Variants in KCNMA1 observed in about 807,000 individuals in gnomAD.
KCNMA1 encodes the protein potassium calcium-activated channel subfamily M alpha 1, also known as Calcium-activated potassium channel subunit alpha-1.
Under a neutral mutation model 140.0 loss-of-function variants are expected in KCNMA1, and 29 were observed. The ratio of observed to expected loss-of-function variants is 0.21; its 90% CI spans 0.15 to 0.28. KCNMA1 has a LOEUF of 0.28. Ranked by LOEUF, KCNMA1 falls within the 10% of genes least tolerant of loss-of-function variation. The pLI, the probability that KCNMA1 is intolerant of heterozygous loss-of-function variation, is 1.00. For synonymous variants in KCNMA1, 612 were observed against 611.9 expected, an observed-to-expected ratio of 1.00 and a Z score of 0.00; for missense variants, 880 against 1,602.2, an observed-to-expected ratio of 0.55 and a Z score of 7.70.
intron 20 of KCNMA1, among the ~76,000 whole-genome samples, chr10:76,963,396 C>T (rs1473392574): frequency 6.6e-6 from 1 of 152,144 alleles, no homozygotes; most frequent in African/African-American, 2.4e-5. Context: ...CAGGTGATTC[C>T]GACACCTGCT....
At chr10:77,192,333 C>T (rs1247004919) in intron 3 of KCNMA1, among the ~76,000 whole-genome samples, 1 of 152,146 alleles carries the variant, frequency 6.6e-6, no homozygotes, top group African/African-American at 2.4e-5. Flanking sequence ...TTTTATCTAA[C>T]AAGACTTCAA....
intron 1 of KCNMA1, among the ~76,000 whole-genome samples, chr10:77,416,318 G>C (rs117519049): frequency 4.6e-3 from 696 of 152,232 alleles, no homozygotes; most frequent in Non-Finnish European, 7.3e-3. Flanking sequence ...ACACAATAGG[G>C]GAAAGGGGAA....
At chr10:77,393,623 G>C (rs915220674) in intron 2 of KCNMA1, among the ~76,000 whole-genome samples, 1 of 152,214 alleles carries the variant, frequency 6.6e-6, no homozygotes, top group African/African-American at 2.4e-5. Flanking sequence ...CAACTGCCCA[G>C]CCGCACCACA....
rs2093912194 is a variant in KCNMA1 at position 77,637,705 on chromosome 10, C to G, written c.-63G>C. 1 of 1,430,578 alleles carries G rather than the reference C, an allele frequency of 7.0e-7. No individual in the cohort carries two copies. The allele number at this position is 1,430,578 out of a possible 1,614,324, so 88.6% of individuals were successfully genotyped here. ...GCTCCTCCCGCCGCCAGCGCCACCCCAAACACCCATCAACAGCCATATTGC... is the reference window on the plus strand; with the variant it reads ...GCTCCTCCCGCCGCCAGCGCCACCCGAAACACCCATCAACAGCCATATTGC... On this transcript the variant is annotated 5_prime_UTR_variant, in exon 1 of 28. Coordinates refer to ENST00000286628, the MANE Select transcript of KCNMA1 (RefSeq NM_001161352.2).
At chr10:77,502,593 C>T (rs1242802313) in intron 1 of KCNMA1, among the ~76,000 whole-genome samples, 2 of 152,184 alleles carry the variant, frequency 1.3e-5, no homozygotes, top group Admixed American at 1.3e-4. Flanking sequence ...AGAACCCCCA[C>T]ATCTCTGGCA....
chr10:77,041,198 T>C lies in KCNMA1; in HGVS notation c.1750-1561A>G, dbSNP rs1166707526. Among the ~76,000 whole-genome samples, 58 of 6,772 alleles carry C rather than the reference T, an allele frequency of 8.6e-3. 1 individual carries two copies. Among genetic ancestry groups the C allele is most frequent in the African/African-American group, 9.8e-3 (4 of 410 alleles). The allele number at this position is 6,772 out of a possible 152,430, so 4.4% of individuals were successfully genotyped here. On this transcript the variant is annotated intron_variant, in intron 14 of 27. Transcript: ENST00000286628. ...TTTTTTTTTTGAGACGGAGTCTCGC[T>C]CTGTCGCCCAGGCTGGAGTGCAGTG...
At chr10:77,233,960 G>C (rs1291566542) in intron 3 of KCNMA1, among the ~76,000 whole-genome samples, 1 of 152,124 alleles carries the variant, frequency 6.6e-6, no homozygotes, top group South Asian at 2.1e-4. Context: ...CAATAAATTA[G>C]AACAGTATTA....
chr10:77,411,778 T>C (rs1022360822), intron 1 of KCNMA1, among the ~76,000 whole-genome samples: 2 of 152,182 alleles, frequency 1.3e-5, no homozygotes, highest in African/African-American at 4.8e-5. Flanking sequence ...AGAAACACAG[T>C]TCCTTTCTCT....
intron 2 of KCNMA1, among the ~76,000 whole-genome samples, chr10:77,261,173 C>T (rs920869140): frequency 1.3e-5 from 2 of 152,082 alleles, no homozygotes; most frequent in African/African-American, 4.8e-5. Flanking sequence ...TAAATACATA[C>T]GAAACCCTGG....
At chr10:77,140,116 C>G (rs887326447) in intron 5 of KCNMA1, among the ~76,000 whole-genome samples, 4 of 152,186 alleles carry the variant, frequency 2.6e-5, no homozygotes, top group African/African-American at 9.7e-5. Flanking sequence ...TCTGCCTCAC[C>G]CAGCACATCT....
intron 5 of KCNMA1, chr10:77,147,761 C>G (rs1329337848): frequency 2.0e-5 from 3 of 152,320 alleles, no homozygotes; most frequent in African/African-American, 4.8e-5. Flanking sequence ...TTCCTCCTGC[C>G]TGATGTCTGG....
chr10:77,378,092 G>A (rs1299958542), intron 2 of KCNMA1, among the ~76,000 whole-genome samples: 1 of 152,204 alleles, frequency 6.6e-6, no homozygotes, highest in Non-Finnish European at 1.5e-5. Context: ...TACACTGAGA[G>A]AGTAAGCCAT....
intron 19 of KCNMA1, among the ~76,000 whole-genome samples, chr10:76,996,843 G>A (rs2084535204): frequency 6.6e-6 from 1 of 152,138 alleles, no homozygotes; most frequent in Non-Finnish European, 1.5e-5. Context: ...ATAGAATTTA[G>A]GTTTGGGGAA....
In KCNMA1 at chr10:76,952,222, T is replaced by C. The variant is rs2066534528; in HGVS notation, c.2484+1579A>G. 3 of 1,529,062 alleles carry C rather than the reference T, an allele frequency of 2.0e-6. No homozygotes were observed. In the South Asian group the frequency reaches 3.7e-5, roughly 19 times the overall value. 94.7% of individuals were successfully genotyped at this position (1,529,062 alleles called of 1,614,324 possible). A position where few individuals can be genotyped will look rare whatever the true frequency, so the allele number is the denominator to read the frequency against. On this transcript the variant is annotated intron_variant, in intron 21 of 27. Transcript: ENST00000286628. ...CCAGGGCAAAAGTGCCATGAATACA[T>C]CAGAATGTACATATATGGCTGGGTG...
At chr10:77,090,198 A>G (rs1326596062) in intron 10 of KCNMA1, among the ~76,000 whole-genome samples, 1 of 152,116 alleles carries the variant, frequency 6.6e-6, no homozygotes, top group African/African-American at 2.4e-5. Context: ...CTCTGCTCTC[A>G]TCATTGAACC....
chr10:76,999,960 C>T (rs985169499), intron 19 of KCNMA1, among the ~76,000 whole-genome samples: 8 of 152,276 alleles, frequency 5.3e-5, no homozygotes, highest in East Asian at 3.9e-4. Flanking sequence ...AGTGAAGTCC[C>T]GGTTCCCTGA....
intron 12 of KCNMA1, among the ~76,000 whole-genome samples, chr10:77,082,002 C>CTGTTTTTTTTTTTTTTTTTTT: frequency 1.9e-5 from 1 of 51,650 alleles, no homozygotes; most frequent in Non-Finnish European, 4.6e-5. Context: ...TTCTTTTTTT[C>CTGTTTTTTTTTTTTTTTTTTT]TTTTCTTTTT....
chr10:77,617,877 C>A (rs1400226585), intron 1 of KCNMA1, among the ~76,000 whole-genome samples: 1 of 152,110 alleles, frequency 6.6e-6, no homozygotes, highest in Non-Finnish European at 1.5e-5. Flanking sequence ...CAGCAGAAGC[C>A]CTCAGTGTGG....
intron 5 of KCNMA1, among the ~76,000 whole-genome samples, chr10:77,168,728 T>C (rs1295945927): frequency 6.6e-6 from 1 of 152,204 alleles, no homozygotes; most frequent in East Asian, 1.9e-4. Context: ...TATAAGGATT[T>C]CAGAGAAAAA....
Sources: gnomAD v4.1 joint callset for allele counts (sites outside exome capture counted in the v4.1 genomes callset) on GRCh38, gnomAD v4.1.1 for gene constraint, MANE v1.5 for transcripts, NCBI Gene and HGNC (gene_info 2026-07-23, HGNC 2026-07-21) for gene names.